The following SDR42E1 variants were observed in gnomAD, a reference collection of about 807,000 sequenced individuals.
SDR42E1 encodes the protein short chain dehydrogenase/reductase family 42E, member 1.
Under a neutral mutation model 2.6 loss-of-function variants are expected in SDR42E1, and 5 were observed. The ratio of observed to expected loss-of-function variants is 1.94; its 90% CI spans 1.01 to 4.08. SDR42E1 has a LOEUF of 4.08. SDR42E1 is among the 30% of genes most tolerant of loss of function. The probability of loss-of-function intolerance (pLI) is 0.00; values close to 1 mark genes in which losing one functional copy is unlikely to be tolerated. For synonymous variants in SDR42E1, 231 were observed against 188.3 expected (o/e 1.23, Z -1.86); for missense variants, 596 against 478.6 (o/e 1.25, Z -2.29).
chr16:81,999,964 C>G lies in SDR42E1; in HGVS notation c.329G>C (p.Cys110Ser). 1 of 1,614,216 alleles carries G rather than the reference C, an allele frequency of 6.2e-7. No individual in the cohort carries two copies. The highest frequency in any genetic ancestry group is 8.5e-7 in the Non-Finnish European group (1 of 1,180,038). Reference protein sequence around the residue: ...VRGTDNILQVCQRRRVPRLVY... With the variant: ...VRGTDNILQVSQRRRVPRLVY... ...TAACCTGGGCACCCTTCTCCTTTGG[C>G]AAACCTGGAGGATGTTGTCTGTGCC... is the stretch of plus-strand genomic sequence containing the variant. Residue 110 changes from cysteine (C) to serine (S), a missense_variant, in exon 3 of 3, where the codon TGC (cysteine) becomes TCC (serine). Cys to Ser is a moderately radical substitution (Grantham distance 112, BLOSUM62 -1). Coordinates refer to ENST00000328945, the MANE Select transcript of SDR42E1 (RefSeq NM_145168.3).
Position 81,999,215 on chromosome 16 carries a change from C to G in SDR42E1, c.1078G>C (p.Gly360Arg). 1.2e-6 allele frequency: 2 copies of G among 1,614,228 alleles called. No homozygotes were observed. Among genetic ancestry groups the G allele is most frequent in the Non-Finnish European group, 1.7e-6 (2 of 1,180,054 alleles). ...FKAHGHGRSS[G>R]SRDSECFVWD... is the part of the protein sequence containing the mutation. ...ACAAAACACTCCGAGTCACGACTTC[C>G]AGAACTTCTGCCATGACCATGGGCT... Residue 360 changes from glycine (G) to arginine (R), a missense_variant, in exon 3 of 3, where the codon GGA becomes CGA. Transcript: ENST00000328945.
chr16:82,001,801 C>G (rs1006488527), intron 1 of SDR42E1, among the ~76,000 whole-genome samples: 1 of 150,866 alleles, frequency 6.6e-6, no homozygotes, highest in African/African-American at 2.4e-5. Context: ...ACTCGGGAGG[C>G]TGAGGCAGGA....
At chr16:82,004,607 C>T (rs1045342151) in intron 1 of SDR42E1, among the ~76,000 whole-genome samples, 1 of 152,218 alleles carries the variant, frequency 6.6e-6, no homozygotes, top group Non-Finnish European at 1.5e-5. Flanking sequence ...CTCAAGCGAT[C>T]CTCCTACCTC....
intron 1 of SDR42E1, among the ~76,000 whole-genome samples, chr16:82,009,687 C>T (rs1037409087): frequency 5.9e-5 from 9 of 152,218 alleles, no homozygotes; most frequent in African/African-American, 1.9e-4. Flanking sequence ...TGCCTTGCCT[C>T]AGATGAGACT....
rs547787142 is a variant in SDR42E1, at chr16:81,991,495, T to C, written c.*7616A>G. On this transcript the variant is annotated 3_prime_UTR_variant, in exon 3 of 3. Coordinates refer to ENST00000328945, the MANE Select transcript of SDR42E1 (RefSeq NM_145168.3). ...ACTTTGGGAGGCCGAGGCAAGAGGA[T>C]TGCTTGGGGCAAGGAATTCAAGACC... 6.6e-6 allele frequency: 1 copy of C among 152,050 alleles called. No individual in the cohort carries two copies. The highest frequency in any genetic ancestry group is 1.5e-5 in the Non-Finnish European group (1 of 68,048). The allele number at this position is 152,050 out of a possible 1,614,324, so 9.4% of individuals were successfully genotyped here. A position where few individuals can be genotyped will look rare whatever the true frequency, so the allele number is the denominator to read the frequency against.
rs199723488 is a variant in SDR42E1, at chr16:81,999,426, G to A, written c.867C>T (p.Cys289=). The A allele has an allele frequency of 2.5e-6, 4 of 1,614,086 alleles. No homozygotes were observed. The African/African-American group carries it at 5.3e-5, about 22-fold the overall frequency. ...STRLPLTLVY[C]FAFLTEMVHF... Reference sequence around the variant, plus strand: ...GAACCATCTCTGTTAGAAAAGCAAAGCAGTAGACCAAGGTCAATGGCAGGC... The same window carrying A: ...GAACCATCTCTGTTAGAAAAGCAAAACAGTAGACCAAGGTCAATGGCAGGC... The change falls in exon 3 of 3, where the codon TGC becomes TGT. Residue 289 remains cysteine, a synonymous_variant. Coordinates refer to ENST00000328945, the MANE Select transcript of SDR42E1 (RefSeq NM_145168.3).
rs995286302 is a variant in SDR42E1 at position 82,003,043 on chromosome 16, G to A, written c.-26-2159C>T. On this transcript the variant is annotated intron_variant, in intron 1 of 2. Transcript: ENST00000328945. Reference sequence around the variant, plus strand: ...AGTGTATTAAGACTGCCAATGAAGCGAATCAGATCACTTATGCAGAGTCAG... The same window carrying A: ...AGTGTATTAAGACTGCCAATGAAGCAAATCAGATCACTTATGCAGAGTCAG... Among the ~76,000 whole-genome samples the A allele has an allele frequency of 7.2e-5, 11 of 152,120 alleles. No individual in the cohort carries two copies. In the East Asian group the frequency reaches 1.2e-3, roughly 16 times the overall value.
At position 81,995,604 on chromosome 16, in the gene SDR42E1, A is replaced by G. The variant is rs1215349590; in HGVS notation, c.*3507T>C. The G allele has an allele frequency of 6.6e-6, 1 of 152,222 alleles. No homozygotes were observed. The highest frequency in any genetic ancestry group is 6.5e-5 in the Admixed American group (1 of 15,280). 9.4% of individuals were successfully genotyped at this position (152,222 alleles called of 1,614,324 possible). On this transcript the variant is annotated 3_prime_UTR_variant, in exon 3 of 3. Coordinates refer to ENST00000328945, the MANE Select transcript of SDR42E1 (RefSeq NM_145168.3). ...GACCTCATCTAATCTTGACTTAGTT[A>G]CGACAGTTCTAGTGTAGGTTGGCTA...
chr16:82,001,178 G>A (rs1163067774), intron 1 of SDR42E1, among the ~76,000 whole-genome samples: 1 of 152,080 alleles, frequency 6.6e-6, no homozygotes, highest in Admixed American at 6.5e-5. Flanking sequence ...AAAACGTTTC[G>A]AACATAAGGC....
Position 81,996,205 on chromosome 16 carries a change from A to G in SDR42E1, c.*2906T>C, listed in dbSNP as rs1034966168. 6.6e-6 allele frequency: 1 copy of G among 152,260 alleles called. No homozygotes were observed. Among genetic ancestry groups the G allele is most frequent in the African/African-American group, 2.4e-5 (1 of 41,458 alleles). 9.4% of individuals were successfully genotyped at this position (152,260 alleles called of 1,614,324 possible). A position where few individuals can be genotyped will look rare whatever the true frequency, so the allele number is the denominator to read the frequency against. On this transcript the variant is annotated 3_prime_UTR_variant, in exon 3 of 3. Transcript: ENST00000328945. ...AGTGACAAAAGATTTGCACCTTTATAGAGTCTCTTGGCTAGGCATGTGGAG... is the reference window on the plus strand; with the variant it reads ...AGTGACAAAAGATTTGCACCTTTATGGAGTCTCTTGGCTAGGCATGTGGAG...
intron 1 of SDR42E1, among the ~76,000 whole-genome samples, chr16:82,003,974 C>T (rs1458384371): frequency 1.3e-5 from 2 of 152,168 alleles, no homozygotes; most frequent in African/African-American, 4.8e-5. Flanking sequence ...CTAAGAGCTG[C>T]TGTTCTGCAA....
In SDR42E1 at chr16:81,989,629, C is replaced by G. The variant is rs536098640; in HGVS notation, c.*9482G>C. On this transcript the variant is annotated 3_prime_UTR_variant, in exon 3 of 3. Transcript: ENST00000328945. ...AGAGAGGCATAGATGCCTACTTGTT[C>G]TCTAGCATGGTGTAATTGACTCTGC... 2 of 152,306 alleles carry G rather than the reference C, an allele frequency of 1.3e-5. No individual in the cohort carries two copies. Among genetic ancestry groups the G allele is most frequent in the South Asian group, 4.1e-4 (2 of 4,826 alleles). 9.4% of individuals were successfully genotyped at this position (152,306 alleles called of 1,614,324 possible).
At chr16:82,005,326 T>G (rs1262350116) in intron 1 of SDR42E1, among the ~76,000 whole-genome samples, 1 of 152,132 alleles carries the variant, frequency 6.6e-6, no homozygotes, top group Non-Finnish European at 1.5e-5. Flanking sequence ...ATAACTGACC[T>G]GATCGGGGGG....
chr16:82,000,316 T>C, intron 2 of SDR42E1, 92 bp from the exon 3 acceptor site: 2 of 1,505,216 alleles, frequency 1.3e-6, no homozygotes, highest in East Asian at 2.3e-5. Flanking sequence ...AAGGTGGGGC[T>C]GATCCAAGTC....
At chr16:82,008,537 A>C (rs1690009505) in intron 1 of SDR42E1, among the ~76,000 whole-genome samples, 1 of 152,206 alleles carries the variant, frequency 6.6e-6, no homozygotes, top group African/African-American at 2.4e-5. Flanking sequence ...AACTGGAGCA[A>C]AAGTGACTCG....
chr16:82,005,330 C>T (rs1325647679), intron 1 of SDR42E1, among the ~76,000 whole-genome samples: 5 of 151,998 alleles, frequency 3.3e-5, no homozygotes, highest in Admixed American at 6.6e-5. Context: ...CTGACCTGAT[C>T]GGGGGGGTCA....
rs1470668529 is a variant in SDR42E1 at position 81,992,603 on chromosome 16, G to T, written c.*6508C>A. ...AAAAGATATGTAGAATACTTGCCAA[G>T]ATTAAAATCTTGCATATTAGTAATG... On this transcript the variant is annotated 3_prime_UTR_variant, in exon 3 of 3. Coordinates refer to ENST00000328945, the MANE Select transcript of SDR42E1 (RefSeq NM_145168.3). 1.3e-5 allele frequency: 2 copies of T among 152,110 alleles called. No homozygotes were observed. The highest frequency in any genetic ancestry group is 4.8e-5 in the African/African-American group (2 of 41,436). 9.4% of individuals were successfully genotyped at this position (152,110 alleles called of 1,614,324 possible).
rs1046037573 is a variant in SDR42E1, at chr16:81,995,627, C to G, written c.*3484G>C. 1.3e-5 allele frequency: 2 copies of G among 152,224 alleles called. No individual in the cohort carries two copies. Among genetic ancestry groups the G allele is most frequent in the African/African-American group, 2.4e-5 (1 of 41,462 alleles). The allele number at this position is 152,224 out of a possible 1,614,324, so 9.4% of individuals were successfully genotyped here. A position where few individuals can be genotyped will look rare whatever the true frequency, so the allele number is the denominator to read the frequency against. On this transcript the variant is annotated 3_prime_UTR_variant, in exon 3 of 3. Coordinates refer to ENST00000328945, the MANE Select transcript of SDR42E1 (RefSeq NM_145168.3). ...TTACGACAGTTCTAGTGTAGGTTGG[C>G]TATTTTCCCCAGTCTCCAAAAGATT... is the stretch of plus-strand genomic sequence containing the variant.
At chr16:82,008,918 GT>G (rs1329377227) in intron 1 of SDR42E1, among the ~76,000 whole-genome samples, 1 of 152,182 alleles carries the variant, frequency 6.6e-6, no homozygotes, top group Non-Finnish European at 1.5e-5. Context: ...TGGGTCCAGG[GT>G]CCCCCTGCTC....
Sources: allele counts gnomAD v4.1 joint callset (sites outside exome capture counted in the v4.1 genomes callset), GRCh38; gene constraint gnomAD v4.1.1; transcripts MANE v1.5; gene names NCBI Gene and HGNC (gene_info 2026-07-23, HGNC 2026-07-21).